Variants in UNC5D observed in about 807,000 individuals in gnomAD.
The protein encoded by UNC5D is unc-5 netrin receptor D, also known as netrin receptor UNC5D.
In UNC5D, 39 loss-of-function variants were observed where a neutral mutation model predicts 105.4. That is an observed-to-expected ratio of 0.37 (90% CI 0.29 to 0.48). The LOEUF (loss-of-function observed/expected upper bound fraction) is 0.48, where lower values mean the gene tolerates loss of function less well. UNC5D is among the 20% of genes least tolerant of loss of function. The pLI is 0.98. For missense variants in UNC5D, 991 were observed against 1,202.4 expected (o/e 0.82, Z 2.60); for synonymous variants, 452 against 450.4 (o/e 1.00, Z -0.04).
chr8:35,393,156 A>T, intron 1 of UNC5D, among the ~76,000 whole-genome samples: 1 of 91,952 alleles, frequency 1.1e-5, no homozygotes, highest in African/African-American at 4.2e-5. Flanking sequence ...TTTTTTTGAG[A>T]CGGAGTCTCG....
At chr8:35,348,118 A>T (rs1811935483) in intron 1 of UNC5D, among the ~76,000 whole-genome samples, 1 of 151,890 alleles carries the variant, frequency 6.6e-6, no homozygotes, top group South Asian at 2.1e-4. Context: ...CTCTCCATCT[A>T]ATGCAGCTAA....
chr8:35,768,667 G>C (rs1284385781), intron 15 of UNC5D, among the ~76,000 whole-genome samples: 3 of 152,144 alleles, frequency 2.0e-5, no homozygotes, highest in Non-Finnish European at 4.4e-5. Flanking sequence ...GAATGTGATA[G>C]GTATTTTTGC....
intron 4 of UNC5D, among the ~76,000 whole-genome samples, chr8:35,612,206 A>G (rs1341965453): frequency 1.3e-5 from 2 of 152,198 alleles, no homozygotes; most frequent in African/African-American, 4.8e-5. Context: ...AAGAGTCAAG[A>G]TAATGCTGGA....
intron 1 of UNC5D, chr8:35,525,142 C>G (rs1407588769): frequency 1.2e-6 from 2 of 1,606,076 alleles, no homozygotes; most frequent in African/African-American, 2.7e-5. Flanking sequence ...GCCTCCTTGG[C>G]TGGATGCTGG....
rs572644015 is a variant in UNC5D, at chr8:35,546,349, C to CT, written c.104-2939dup. Among the ~76,000 whole-genome samples the CT allele has an allele frequency of 2.6e-5, 4 of 152,222 alleles. No individual in the cohort carries two copies. In the South Asian group the frequency reaches 8.3e-4, roughly 32 times the overall value. On this transcript the variant is annotated intron_variant, in intron 1 of 16. Transcript: ENST00000404895. ...AAATGGGAGGAGGGGAACTTAATTG[C>CT]TTTTAGATCTCTCTGTATTTTGTGA... is the stretch of plus-strand genomic sequence containing the variant.
In UNC5D at chr8:35,707,939, T is replaced by C. The variant is rs190572755; in HGVS notation, c.1117+1978T>C. On this transcript the variant is annotated intron_variant, in intron 8 of 16. Transcript: ENST00000404895. ...AAAATAAGACCTTAGAGAATCAATG[T>C]GATTGCAAAAGGCTCCCAGAGGAAT... is the stretch of plus-strand genomic sequence containing the variant. Among the ~76,000 whole-genome samples the C allele has an allele frequency of 5.9e-5, 9 of 152,270 alleles. No homozygotes were observed. The East Asian group carries it at 1.7e-3, about 29-fold the overall frequency.
intron 4 of UNC5D, among the ~76,000 whole-genome samples, chr8:35,632,009 A>C (rs1056066379): frequency 6.6e-6 from 1 of 152,188 alleles, no homozygotes; most frequent in Non-Finnish European, 1.5e-5. Context: ...TGCCCCGTGC[A>C]TGCATCTGAC....
At chr8:35,594,365 A>G (rs1045135237) in intron 3 of UNC5D, among the ~76,000 whole-genome samples, 5 of 152,216 alleles carry the variant, frequency 3.3e-5, no homozygotes, top group Non-Finnish European at 7.3e-5. Flanking sequence ...CAATTTATAA[A>G]GATGTAACTG....
chr8:35,772,618 GT>G (rs1802058822), intron 15 of UNC5D, among the ~76,000 whole-genome samples: 2 of 152,122 alleles, frequency 1.3e-5, no homozygotes, highest in South Asian at 4.1e-4. Flanking sequence ...GAGTTTAAAC[GT>G]TCTAACTAGT....
At chr8:35,682,209 C>T (rs903437200) in intron 4 of UNC5D, among the ~76,000 whole-genome samples, 7 of 152,152 alleles carry the variant, frequency 4.6e-5, no homozygotes, top group Non-Finnish European at 8.8e-5. Flanking sequence ...GTGATCTGCC[C>T]GCCTCGGCCT....
intron 4 of UNC5D, among the ~76,000 whole-genome samples, chr8:35,623,989 A>G (rs1028350915): frequency 2.6e-4 from 39 of 152,300 alleles, no homozygotes; most frequent in Admixed American, 7.8e-4. Context: ...CTGAGGCAGG[A>G]GAATGGCGTG....
At chr8:35,666,660 C>T (rs904429478) in intron 4 of UNC5D, among the ~76,000 whole-genome samples, 9 of 151,948 alleles carry the variant, frequency 5.9e-5, no homozygotes, top group Non-Finnish European at 8.8e-5. Flanking sequence ...AACACCCTCC[C>T]CAAATGAGAA....
chr8:35,247,500 C>A (rs1234607826), intron 1 of UNC5D, among the ~76,000 whole-genome samples: 4 of 126,834 alleles, frequency 3.2e-5, no homozygotes, highest in African/African-American at 9.1e-5. Context: ...ACTAGGAGAT[C>A]CTAAATAACT....
intron 15 of UNC5D, among the ~76,000 whole-genome samples, chr8:35,771,760 C>G (rs905789938): frequency 6.6e-6 from 1 of 152,108 alleles, no homozygotes; most frequent in African/African-American, 2.4e-5. Flanking sequence ...CCTTAACCAC[C>G]CAGCACTGTA....
chr8:35,660,697 G>A (rs749161063), intron 4 of UNC5D, among the ~76,000 whole-genome samples: 5 of 152,278 alleles, frequency 3.3e-5, no homozygotes, highest in Middle Eastern at 3.4e-3. Flanking sequence ...CATGGGACTC[G>A]TCCACTAGGA....
intron 1 of UNC5D, among the ~76,000 whole-genome samples, chr8:35,403,884 C>T (rs1003923566): frequency 1.3e-5 from 2 of 152,146 alleles, no homozygotes; most frequent in Non-Finnish European, 2.9e-5. Context: ...GGACTGCATT[C>T]CCTCTGTCCA....
Position 35,793,233 on chromosome 8 carries a change from A to G in UNC5D, c.*2670A>G. On this transcript the variant is annotated 3_prime_UTR_variant, in exon 17 of 17. Coordinates refer to ENST00000404895, the MANE Select transcript of UNC5D (RefSeq NM_080872.4). Reference sequence around the variant, plus strand: ...TATGTTACAATACAATTTCAAAGAGAACCCACATTTGTGAGATTTACAGAC... The same window carrying G: ...TATGTTACAATACAATTTCAAAGAGGACCCACATTTGTGAGATTTACAGAC... 2.3e-6 allele frequency: 1 copy of G among 432,278 alleles called. No homozygotes were observed. The highest frequency in any genetic ancestry group is 4.6e-6 in the Non-Finnish European group (1 of 216,176). 26.8% of individuals were successfully genotyped at this position (432,278 alleles called of 1,614,324 possible).
intron 1 of UNC5D, among the ~76,000 whole-genome samples, chr8:35,322,516 A>G (rs1809827289): frequency 6.6e-6 from 1 of 152,038 alleles, no homozygotes; most frequent in Admixed American, 6.6e-5. Context: ...CCTTGTGTCA[A>G]TCTGTTGTTT....
chr8:35,444,241 C>T (rs79766430), intron 1 of UNC5D, among the ~76,000 whole-genome samples: 2,527 of 152,106 alleles, frequency 0.017, 82 homozygotes, highest in African/African-American at 0.058. Context: ...GTTTCATACT[C>T]TTTAAACATT....
Sources: gnomAD v4.1 joint callset for allele counts (sites outside exome capture counted in the v4.1 genomes callset) on GRCh38, gnomAD v4.1.1 for gene constraint, MANE v1.5 for transcripts, NCBI Gene and HGNC (gene_info 2026-07-23, HGNC 2026-07-21) for gene names.